SRGAP3: variants seen among roughly 807,000 people sequenced by gnomAD.
SRGAP3 encodes the protein SLIT-ROBO Rho GTPase activating protein 3, also known as SLIT-ROBO Rho GTPase-activating protein 3.
SRGAP3 carries 39 observed loss-of-function variants against 121.1 expected under a neutral mutation model. The observed-to-expected ratio is 0.32, with a 90% confidence interval of 0.25 to 0.42. The LOEUF (loss-of-function observed/expected upper bound fraction) is 0.42, where lower values mean the gene tolerates loss of function less well. Ranked by LOEUF, SRGAP3 falls within the 10% of genes least tolerant of loss-of-function variation. The pLI is 1.00. For synonymous variants in SRGAP3, 601 were observed against 570.0 expected, an observed-to-expected ratio of 1.05 and a Z score of -0.77; for missense variants, 1,213 against 1,470.6, an observed-to-expected ratio of 0.82 and a Z score of 2.86.
intron 3 of SRGAP3, among the ~76,000 whole-genome samples, chr3:9,291,067 C>T (rs1481672015): frequency 1.3e-5 from 2 of 151,914 alleles, no homozygotes; most frequent in Non-Finnish European, 2.9e-5. Context: ...CACACTTTAC[C>T]GATAAATAAA....
Position 9,335,266 on chromosome 3 carries a change from G to A in SRGAP3, n.215-4670C>T, listed in dbSNP as rs1955672957. Among the ~76,000 whole-genome samples the A allele has an allele frequency of 2.0e-5, 3 of 152,314 alleles. No individual in the cohort carries two copies. In the East Asian group the frequency reaches 5.8e-4, roughly 29 times the overall value. Reference sequence around the variant, plus strand: ...GCTAATGTTGAATGTTGCCATGTAGGAAATTGGGCTCCTTGTTGCCAGCCT... The same window carrying A: ...GCTAATGTTGAATGTTGCCATGTAGAAAATTGGGCTCCTTGTTGCCAGCCT... On this transcript the variant is annotated intron_variant and non_coding_transcript_variant, in intron 1 of 3. Coordinates refer to the SRGAP3 transcript ENST00000490889.
intron 1 of SRGAP3, among the ~76,000 whole-genome samples, chr3:9,197,180 A>C (rs1951942730): frequency 6.6e-6 from 1 of 152,234 alleles, no homozygotes; most frequent in Non-Finnish European, 1.5e-5. Context: ...GAAATCTGTC[A>C]CCCCTGAATT....
At chr3:9,053,291 T>C in intron 8 of SRGAP3, 67 bp from the exon 9 acceptor site, 1 of 1,493,468 alleles carries the variant, frequency 6.7e-7, no homozygotes, top group South Asian at 1.2e-5. Context: ...CTAAAGTCCC[T>C]TTCCCAGCTG....
intron 3 of SRGAP3, among the ~76,000 whole-genome samples, chr3:9,323,500 AC>A (rs1955469009): frequency 6.6e-6 from 1 of 151,540 alleles, no homozygotes; most frequent in East Asian, 1.9e-4. Context: ...TTGACAAGGA[AC>A]TCTTCTTTCT....
At chr3:9,177,561 G>A (rs1951224423) in intron 1 of SRGAP3, among the ~76,000 whole-genome samples, 1 of 152,004 alleles carries the variant, frequency 6.6e-6, no homozygotes, top group African/African-American at 2.4e-5. Context: ...TATACTCAAA[G>A]GTCTCCATGA....
At chr3:9,042,157 T>G (rs983035556) in intron 10 of SRGAP3, among the ~76,000 whole-genome samples, 1 of 151,282 alleles carries the variant, frequency 6.6e-6, no homozygotes, top group African/African-American at 2.4e-5. Context: ...TTTCATGACA[T>G]ATTACATTTG....
chr3:9,202,425 C>T (rs1316275663), intron 1 of SRGAP3, among the ~76,000 whole-genome samples: 2 of 152,218 alleles, frequency 1.3e-5, no homozygotes, highest in South Asian at 2.1e-4. Context: ...GCCTTCGTCA[C>T]CCTCTAAGCC....
chr3:9,013,666 A>G (rs554258694), intron 16 of SRGAP3, 71 bp downstream of exon 16: 1 of 1,577,128 alleles, frequency 6.3e-7, no homozygotes, highest in East Asian at 2.2e-5. Flanking sequence ...CATCTGCAAA[A>G]GCCTCAAGAT....
intron 9 of SRGAP3, among the ~76,000 whole-genome samples, chr3:9,048,838 T>A (rs1245264745): frequency 6.6e-6 from 1 of 151,668 alleles, no homozygotes; most frequent in African/African-American, 2.4e-5. Flanking sequence ...AAAAAATAAA[T>A]AAATCAAATA....
At chr3:9,360,799 A>C in intron 1 of SRGAP3, among the ~76,000 whole-genome samples, 1 of 152,200 alleles carries the variant, frequency 6.6e-6, no homozygotes. Context: ...TCCCTCCCAC[A>C]ATATATGGGA....
chr3:9,082,005 A>G (rs535043957), intron 3 of SRGAP3, among the ~76,000 whole-genome samples: 3 of 152,346 alleles, frequency 2.0e-5, no homozygotes, highest in African/African-American at 7.2e-5. Context: ...TGTTCCTGCC[A>G]AATCTCATGC....
At chr3:9,060,650 G>A (rs1946113017) in intron 5 of SRGAP3, among the ~76,000 whole-genome samples, 1 of 152,068 alleles carries the variant, frequency 6.6e-6, no homozygotes. Flanking sequence ...ATGTTGCCCA[G>A]GCTGATCTGG....
chr3:9,251,899 T>C (rs1052888087), upstream of SRGAP3, among the ~76,000 whole-genome samples: 1 of 152,172 alleles, frequency 6.6e-6, no homozygotes, highest in Non-Finnish European at 1.5e-5. Context: ...CTTGGTTTCC[T>C]CATCTGTCAT....
Position 9,004,476 on chromosome 3 carries a change from C to T in SRGAP3, c.2227+5832G>A, listed in dbSNP as rs111780162. Among the ~76,000 whole-genome samples, 919 of 152,184 alleles carry T rather than the reference C, an allele frequency of 6.0e-3. 13 individuals are homozygous for T. Among genetic ancestry groups the T allele is most frequent in the African/African-American group, 0.021 (880 of 41,520 alleles). On this transcript the variant is annotated intron_variant, in intron 18 of 21. Transcript: ENST00000383836. ...AGAATAGCCAAAACAATCTTGAAAA[C>T]GAAGGACAAAGTTGGAGGACTTAAA...
chr3:9,243,386 G>A (rs1953716303), intron 1 of SRGAP3, among the ~76,000 whole-genome samples: 1 of 152,254 alleles, frequency 6.6e-6, no homozygotes, highest in East Asian at 1.9e-4. Context: ...TGTAATCCCA[G>A]CATTTTGGGA....
intron 1 of SRGAP3, among the ~76,000 whole-genome samples, chr3:9,216,358 G>T (rs966600067): frequency 3.9e-5 from 6 of 152,182 alleles, no homozygotes; most frequent in Non-Finnish European, 8.8e-5. Flanking sequence ...ACGGGCAGGG[G>T]TCAAGGTACT....
chr3:9,017,420 A>G (rs770871890), intron 14 of SRGAP3, among the ~76,000 whole-genome samples: 4 of 152,212 alleles, frequency 2.6e-5, no homozygotes, highest in Non-Finnish European at 5.9e-5. Context: ...TTTAATAGCA[A>G]TATTACCACT....
intron 1 of SRGAP3, among the ~76,000 whole-genome samples, chr3:9,158,166 G>T (rs1167717192): frequency 6.6e-6 from 1 of 152,138 alleles, no homozygotes; most frequent in African/African-American, 2.4e-5. Flanking sequence ...AGGACCATGT[G>T]ACCAAATCAG....
chr3:9,342,056 A>G (rs1955796281), intron 1 of SRGAP3, among the ~76,000 whole-genome samples: 1 of 152,136 alleles, frequency 6.6e-6, no homozygotes, highest in Admixed American at 6.5e-5. Flanking sequence ...TCAAATAGGA[A>G]AGCTAAAAAT....
Sources: allele counts gnomAD v4.1 joint callset (sites outside exome capture counted in the v4.1 genomes callset), GRCh38; gene constraint gnomAD v4.1.1; transcripts MANE v1.5; gene names NCBI Gene and HGNC (gene_info 2026-07-23, HGNC 2026-07-21).